Variants in CACNA2D1 observed in about 807,000 individuals in gnomAD.
CACNA2D1 encodes the protein voltage-dependent calcium channel subunit alpha-2/delta-1.
In CACNA2D1, 53 loss-of-function variants were observed where a neutral mutation model predicts 171.5. That is an observed-to-expected ratio of 0.31 (90% CI 0.25 to 0.39). CACNA2D1 has a LOEUF of 0.39. Among genes scored for constraint, CACNA2D1 ranks in the 10% least tolerant of loss-of-function variants. CACNA2D1 has a pLI of 1.00. For missense variants in CACNA2D1, 903 were observed against 1,299.8 expected (o/e 0.69, Z 4.69); for synonymous variants, 442 against 443.1 (o/e 1.00, Z 0.03).
chr7:82,053,034 C>T (rs372038582), intron 10 of CACNA2D1, among the ~76,000 whole-genome samples: 14 of 152,054 alleles, frequency 9.2e-5, no homozygotes, highest in African/African-American at 3.4e-4. Context: ...GGGCGGATCA[C>T]AAGGTCAAGA....
At chr7:82,139,946 T>C (rs1792148701) in intron 4 of CACNA2D1, among the ~76,000 whole-genome samples, 1 of 27,228 alleles carries the variant, frequency 3.7e-5, no homozygotes, top group South Asian at 1.3e-3. Flanking sequence ...CACACCTGGC[T>C]ATTATTATTA....
At chr7:82,239,137 T>A (rs1327604686) in intron 3 of CACNA2D1, among the ~76,000 whole-genome samples, 1 of 152,070 alleles carries the variant, frequency 6.6e-6, no homozygotes, top group Non-Finnish European at 1.5e-5. Context: ...TTCTCTAATA[T>A]CTTTAAGAAA....
At chr7:82,111,839 C>A in intron 6 of CACNA2D1, among the ~76,000 whole-genome samples, 1 of 152,032 alleles carries the variant, frequency 6.6e-6, no homozygotes, top group South Asian at 2.1e-4. Context: ...AAATATAATC[C>A]ATATTATTTT....
At position 81,983,340 on chromosome 7, in the gene CACNA2D1, A is replaced by G. The variant is rs760083562; in HGVS notation, c.1874-6T>C. On this transcript the variant is annotated splice_region_variant and splice_polypyrimidine_tract_variant and intron_variant, in intron 22 of 38. Coordinates refer to ENST00000356860, the MANE Select transcript of CACNA2D1 (RefSeq NM_000722.4). The stretch of plus-strand genomic sequence containing the variant: ...CTTCATTTTGCCCTTTTTTGCTGTG[A>G]AAATCCATCAGAAAGAGAAAGCAGG... 1.9e-6 allele frequency: 3 copies of G among 1,609,984 alleles called. No homozygotes were observed. The highest frequency in any genetic ancestry group is 2.5e-6 in the Non-Finnish European group (3 of 1,177,182).
chr7:82,213,994 C>G (rs935090265), intron 3 of CACNA2D1, among the ~76,000 whole-genome samples: 73 of 152,184 alleles, frequency 4.8e-4, no homozygotes, highest in African/African-American at 1.7e-3. Flanking sequence ...GGCATGCTTT[C>G]TGGTTCATAG....
In CACNA2D1 at chr7:82,186,290, A is replaced by AAGGAAGGAAGGAAGGAAGGAAG. The variant is rs1797772703; in HGVS notation, c.295-15682_295-15681insCTTCCTTCCTTCCTTCCTTCCT. 2.1e-3 allele frequency among the ~76,000 whole-genome samples: 232 copies of AAGGAAGGAAGGAAGGAAGGAAG among 112,316 alleles called. 2 individuals carry two copies. The highest frequency in any genetic ancestry group is 4.2e-3 in the South Asian group (14 of 3,298). 73.7% of individuals were successfully genotyped at this position (112,316 alleles called of 152,430 possible). A position where few individuals can be genotyped will look rare whatever the true frequency, so the allele number is the denominator to read the frequency against. On this transcript the variant is annotated intron_variant, in intron 3 of 38. Coordinates refer to ENST00000356860, the MANE Select transcript of CACNA2D1 (RefSeq NM_000722.4). Reference sequence around the variant, plus strand: ...AGGAAGGAAGGAAGGAAGGAAGGAAAGAAAGGTGGGCCAGATTTGAGGAAG... The same window carrying AAGGAAGGAAGGAAGGAAGGAAG: ...AGGAAGGAAGGAAGGAAGGAAGGAAAAGGAAGGAAGGAAGGAAGGAAGGAAAGGTGGGCCAGATTTGAGGAAG...
intron 5 of CACNA2D1, among the ~76,000 whole-genome samples, chr7:82,129,225 T>C (rs1190519301): frequency 1.3e-5 from 2 of 152,210 alleles, no homozygotes; most frequent in African/African-American, 4.8e-5. Context: ...AAGTTTTTGG[T>C]ATAAATGTTC....
rs766067770 is a variant in CACNA2D1, at chr7:81,974,477, T to C, written c.2031A>G (p.Arg677=). Residue 677 remains arginine (R), a synonymous_variant, in exon 25 of 39, where the codon AGA becomes AGG. Transcript: ENST00000356860. The part of the protein sequence containing the change: ...FLLNFNEFID[R]KTPNNPSCNA... Reference sequence around the variant, plus strand: ...TACATGATGGGTTGTTTGGAGTTTTTCTATCAATAAACTCGTTGAAATTTA... The same window carrying C: ...TACATGATGGGTTGTTTGGAGTTTTCCTATCAATAAACTCGTTGAAATTTA... 2 of 1,558,254 alleles carry C rather than the reference T, an allele frequency of 1.3e-6. No homozygotes were observed. The highest frequency in any genetic ancestry group is 1.7e-5 in the Admixed American group (1 of 59,684).
chr7:82,406,319 A>T (rs1204596622), intron 1 of CACNA2D1, among the ~76,000 whole-genome samples: 2 of 152,044 alleles, frequency 1.3e-5, no homozygotes, highest in South Asian at 2.1e-4. Context: ...TGGTTCCAAG[A>T]CTTTGCTATT....
At chr7:82,192,646 TTGAC>T (rs1177716645) in intron 3 of CACNA2D1, among the ~76,000 whole-genome samples, 1 of 151,708 alleles carries the variant, frequency 6.6e-6, no homozygotes, top group Non-Finnish European at 1.5e-5. Flanking sequence ...TGAACTCTCT[TTGAC>T]TGAGCCAACT....
At chr7:82,128,344 C>T (rs1186719232) in intron 5 of CACNA2D1, among the ~76,000 whole-genome samples, 1 of 152,154 alleles carries the variant, frequency 6.6e-6, no homozygotes, top group African/African-American at 2.4e-5. Flanking sequence ...TCAGCCACTG[C>T]TTTAGCTAAA....
chr7:82,382,845 A>C (rs1823862617), intron 1 of CACNA2D1, among the ~76,000 whole-genome samples: 1 of 152,216 alleles, frequency 6.6e-6, no homozygotes, highest in Admixed American at 6.5e-5. Context: ...GTTCAAAAAC[A>C]TTTACTGTTT....
chr7:82,082,802 C>T (rs1206155598), intron 7 of CACNA2D1, among the ~76,000 whole-genome samples: 1 of 151,614 alleles, frequency 6.6e-6, no homozygotes, highest in Non-Finnish European at 1.5e-5. Context: ...ATGAAGTGAA[C>T]AAATGTCAAC....
chr7:82,398,878 C>T lies in CACNA2D1; in HGVS notation c.95+44487G>A, dbSNP rs544437010. Among the ~76,000 whole-genome samples the T allele has an allele frequency of 1.5e-4, 22 of 150,750 alleles. No homozygotes were observed. The South Asian group carries it at 4.4e-3, about 30-fold the overall frequency. On this transcript the variant is annotated intron_variant, in intron 1 of 38. Coordinates refer to ENST00000356860, the MANE Select transcript of CACNA2D1 (RefSeq NM_000722.4). ...ACAGGCATGAGCCACCACACCCGGC[C>T]CCATTCTCCCCTTTTTTTTTCCTTC... is the stretch of plus-strand genomic sequence containing the variant.
chr7:82,049,427 G>A (rs1804948580), intron 10 of CACNA2D1, among the ~76,000 whole-genome samples: 1 of 152,000 alleles, frequency 6.6e-6, no homozygotes, highest in South Asian at 2.1e-4. Context: ...ATAGTATTAA[G>A]AATTCTATAA....
At chr7:82,223,171 G>T (rs10243627) in intron 3 of CACNA2D1, among the ~76,000 whole-genome samples, 12,894 of 152,096 alleles carry the variant, frequency 0.085, 856 homozygotes, top group African/African-American at 0.18. Context: ...CTCCCAAAGT[G>T]CTGGGATTAT....
intron 18 of CACNA2D1, among the ~76,000 whole-genome samples, chr7:81,999,788 T>G (rs1454618724): frequency 2.0e-5 from 3 of 152,150 alleles, no homozygotes; most frequent in Non-Finnish European, 4.4e-5. Flanking sequence ...AACAATTTAC[T>G]ATATCAAGAA....
intron 8 of CACNA2D1, 105 bp downstream of exon 8, chr7:82,066,350 A>C (rs1807598051): frequency 1.4e-6 from 2 of 1,411,538 alleles, no homozygotes; most frequent in Non-Finnish European, 1.9e-6. Context: ...GATCACTTTC[A>C]ATAAGTAGTT....
intron 3 of CACNA2D1, among the ~76,000 whole-genome samples, chr7:82,274,870 G>GAATA (rs1329825272): frequency 6.6e-6 from 1 of 151,942 alleles, no homozygotes; most frequent in Non-Finnish European, 1.5e-5. Context: ...ATGAATGAAT[G>GAATA]AATGAATGAA....
Sources: gnomAD v4.1 joint callset for allele counts (sites outside exome capture counted in the v4.1 genomes callset) on GRCh38, gnomAD v4.1.1 for gene constraint, MANE v1.5 for transcripts, NCBI Gene and HGNC (gene_info 2026-07-23, HGNC 2026-07-21) for gene names.